The following ELFN2 variants were observed in gnomAD, a reference collection of about 807,000 sequenced individuals.
The protein encoded by ELFN2 is protein phosphatase 1 regulatory subunit 29.
ELFN2 carries 17 observed loss-of-function variants against 45.5 expected under a neutral mutation model. The ratio of observed to expected loss-of-function variants is 0.37; its 90% CI spans 0.26 to 0.56. The LOEUF is 0.56. Among genes scored for constraint, ELFN2 ranks in the 20% least tolerant of loss-of-function variants. The pLI is 0.77. For synonymous variants in ELFN2, 550 were observed against 551.5 expected (o/e 1.00, Z 0.04); for missense variants, 922 against 1,183.2 (o/e 0.78, Z 3.24).
At chr22:37,402,120 C>T (rs1932379001) in intron 2 of ELFN2, among the ~76,000 whole-genome samples, 1 of 152,336 alleles carries the variant, frequency 6.6e-6, no homozygotes, top group East Asian at 1.9e-4. Context: ...ACCCTGCCTG[C>T]TTTGGGGTTC....
chr22:37,349,207 T>G (rs1254056382), intron 1 of ELFN2, among the ~76,000 whole-genome samples: 2 of 151,112 alleles, frequency 1.3e-5, no homozygotes, highest in Admixed American at 1.3e-4. Flanking sequence ...CCCCGCCACT[T>G]AGCTGTCGTG....
At chr22:37,350,382 C>G (rs1336630671) in intron 1 of ELFN2, among the ~76,000 whole-genome samples, 2 of 150,608 alleles carry the variant, frequency 1.3e-5, no homozygotes, top group African/African-American at 4.8e-5. Context: ...GTGCAGCTGA[C>G]TGAGCAGACA....
intron 2 of ELFN2, among the ~76,000 whole-genome samples, chr22:37,413,258 T>C (rs1932695633): frequency 6.6e-6 from 1 of 152,080 alleles, no homozygotes; most frequent in African/African-American, 2.4e-5. Context: ...AAATGACCTG[T>C]CCCAGGCACT....
chr22:37,412,173 G>C (rs9622617), intron 2 of ELFN2, among the ~76,000 whole-genome samples: 31,005 of 150,798 alleles, frequency 0.21, 6,392 homozygotes, highest in African/African-American at 0.54. Context: ...GGCGAAACCT[G>C]GTCTCTACTA....
chr22:37,395,350 A>G (rs961203665), intron 2 of ELFN2, among the ~76,000 whole-genome samples: 3 of 152,066 alleles, frequency 2.0e-5, no homozygotes, highest in Non-Finnish European at 4.4e-5. Context: ...CCAAGTAGGC[A>G]TTTACATCAA....
At chr22:37,379,922 C>A (rs1931702375) in intron 2 of ELFN2, among the ~76,000 whole-genome samples, 1 of 152,204 alleles carries the variant, frequency 6.6e-6, no homozygotes, top group African/African-American at 2.4e-5. Flanking sequence ...CTCAGTCCCA[C>A]CCCTGCCCCC....
At chr22:37,377,492 A>T (rs1317516154) in intron 2 of ELFN2, among the ~76,000 whole-genome samples, 1 of 152,254 alleles carries the variant, frequency 6.6e-6, no homozygotes, top group African/African-American at 2.4e-5. Flanking sequence ...GCTTAAAAAA[A>T]AATTTAAACC....
intron 2 of ELFN2, among the ~76,000 whole-genome samples, chr22:37,397,728 C>T (rs752113442): frequency 4.7e-4 from 72 of 152,176 alleles, no homozygotes; most frequent in Middle Eastern, 3.2e-3. Flanking sequence ...ACCCAGAGAT[C>T]GGCATTGGTC....
intron 2 of ELFN2, among the ~76,000 whole-genome samples, chr22:37,415,351 A>C (rs1932748263): frequency 6.6e-6 from 1 of 152,212 alleles, no homozygotes; most frequent in Non-Finnish European, 1.5e-5. Context: ...CATGAAGGAG[A>C]CCAGTGGCCA....
rs1019827782 is a variant in ELFN2 at position 37,414,999 on chromosome 22, G to A, written c.-463+2770C>T. 2.8e-4 allele frequency among the ~76,000 whole-genome samples: 42 copies of A among 152,170 alleles called. 1 individual carries two copies. The highest frequency in any genetic ancestry group is 1.0e-3 in the African/African-American group (42 of 41,428). On this transcript the variant is annotated intron_variant, in intron 2 of 2. Transcript: ENST00000402918. ...GCCTTGCTCTGGCAAGGTGAAGTAGGGATTCTTATCATCCCCATTGTACAG... is the reference window on the plus strand; with the variant it reads ...GCCTTGCTCTGGCAAGGTGAAGTAGAGATTCTTATCATCCCCATTGTACAG...
chr22:37,408,977 G>C (rs1445845172), intron 2 of ELFN2, among the ~76,000 whole-genome samples: 1 of 152,212 alleles, frequency 6.6e-6, no homozygotes, highest in Non-Finnish European at 1.5e-5. Flanking sequence ...GCAAGAGACA[G>C]AGCTGCAATT....
At chr22:37,420,589 CT>C (rs1932802693) in intron 1 of ELFN2, 1 of 152,656 alleles carries the variant, frequency 6.6e-6, no homozygotes, top group African/African-American at 2.4e-5. Context: ...TCCAATTCCA[CT>C]TCATCCCGAC....
chr22:37,373,214 C>T lies in ELFN2; in HGVS notation c.2321G>A (p.Arg774Gln), dbSNP rs1319936113. The change falls in exon 3 of 3, where the codon CGG (arginine) becomes CAG (glutamine). Residue 774 changes from arginine (R) to glutamine (Q), a missense_variant. Arg to Gln is a conservative substitution (Grantham distance 43). Coordinates refer to ENST00000402918, the MANE Select transcript of ELFN2 (RefSeq NM_052906.5). ...ESTHKIWERF[R>Q]PYKKHHREEV... is the part of the protein sequence containing the mutation. Reference sequence around the variant, plus strand: ...CTCCCGGTGGTGCTTCTTGTAGGGCCGGAAGCGCTCCCAGATCTTGTGCGT... The same window carrying T: ...CTCCCGGTGGTGCTTCTTGTAGGGCTGGAAGCGCTCCCAGATCTTGTGCGT... The T allele has an allele frequency of 3.7e-6, 6 of 1,613,674 alleles. No individual in the cohort carries two copies. The highest frequency in any genetic ancestry group is 1.7e-5 in the Admixed American group (1 of 60,014).
At chr22:37,383,888 G>A (rs1316651844) in intron 2 of ELFN2, among the ~76,000 whole-genome samples, 1 of 152,200 alleles carries the variant, frequency 6.6e-6, no homozygotes, top group Non-Finnish European at 1.5e-5. Flanking sequence ...CAAAGAAGGG[G>A]CATGGGGCTG....
Position 37,373,041 on chromosome 22 carries a change from G to A in ELFN2, c.*31C>T. On this transcript the variant is annotated 3_prime_UTR_variant, in exon 3 of 3. Coordinates refer to ENST00000402918, the MANE Select transcript of ELFN2 (RefSeq NM_052906.5). ...CCCCCAAAAGGCCCCCAGCCCTCTG[G>A]CTCCGACCTCACCAGGGAGGAAGGG... 3 of 1,558,962 alleles carry A rather than the reference G, an allele frequency of 1.9e-6. No individual in the cohort carries two copies. The South Asian group carries it at 3.6e-5, about 19-fold the overall frequency.
At chr22:37,422,949 G>GC (rs1371599919) in intron 1 of ELFN2, among the ~76,000 whole-genome samples, 1 of 148,898 alleles carries the variant, frequency 6.7e-6, no homozygotes, top group African/African-American at 2.5e-5. Context: ...GCCTCGGGGG[G>GC]GGGGGGGGAA....
At chr22:37,359,378 T>C (rs201453070) in intron 1 of ELFN2, among the ~76,000 whole-genome samples, 2 of 59,620 alleles carry the variant, frequency 3.4e-5, no homozygotes, top group Admixed American at 3.1e-4. Context: ...GCCAGGCCCC[T>C]GCCACTCCCC....
In ELFN2 at chr22:37,373,712, T is replaced by C; in HGVS notation, c.1823A>G (p.Glu608Gly). Residue 608 changes from glutamate (E) to glycine (G), a missense_variant, in exon 3 of 3, where the codon GAG (glutamate) becomes GGG (glycine). Glu to Gly is a moderately conservative substitution (Grantham distance 98). Around this residue, in one of 2 missense-constraint regions of ELFN2, gnomAD observed 564 missense variants for 642.8 expected, o/e 0.88. Coordinates refer to ENST00000402918, the MANE Select transcript of ELFN2 (RefSeq NM_052906.5). ...RPSFLSPPYK[E>G]SSHHPLQRQL... ...GCGCTGTAGTGGGTGGTGGGAGCTCTCCTTGTAGGGAGGCGAAAGGAAGCT... is the reference window on the plus strand; with the variant it reads ...GCGCTGTAGTGGGTGGTGGGAGCTCCCCTTGTAGGGAGGCGAAAGGAAGCT... 1.3e-6 allele frequency: 2 copies of C among 1,554,564 alleles called. No individual in the cohort carries two copies. Among genetic ancestry groups the C allele is most frequent in the Non-Finnish European group, 1.7e-6 (2 of 1,156,790 alleles).
At chr22:37,391,757 A>G (rs531880581) in intron 2 of ELFN2, among the ~76,000 whole-genome samples, 21 of 152,262 alleles carry the variant, frequency 1.4e-4, no homozygotes, top group South Asian at 6.2e-4. Flanking sequence ...AGACCCTTAC[A>G]TGACAGGGAG....
Sources: allele counts gnomAD v4.1 joint callset (sites outside exome capture counted in the v4.1 genomes callset), GRCh38; gene constraint gnomAD v4.1.1; regional missense constraint gnomAD v4.1.1; transcripts MANE v1.5; gene names NCBI Gene and HGNC (gene_info 2026-07-23, HGNC 2026-07-21).